The following DLGAP2 variants were observed in gnomAD, a reference collection of about 807,000 sequenced individuals.
DLGAP2 encodes the protein disks large-associated protein 2.
In DLGAP2, 26 loss-of-function variants were observed where a neutral mutation model predicts 100.3. That is an observed-to-expected ratio of 0.26 (90% CI 0.19 to 0.36). The LOEUF is 0.36. Among genes scored for constraint, DLGAP2 ranks in the 10% least tolerant of loss-of-function variants. The probability of loss-of-function intolerance (pLI) is 1.00; values close to 1 mark genes in which losing one functional copy is unlikely to be tolerated. For missense variants in DLGAP2, 1,858 were observed against 1,453.2 expected (o/e 1.28, Z -4.53); for synonymous variants, 886 against 630.1 (o/e 1.41, Z -6.08).
chr8:1,222,728 G>C (rs911770955), intron 2 of DLGAP2, among the ~76,000 whole-genome samples: 1 of 152,102 alleles, frequency 6.6e-6, no homozygotes, highest in East Asian at 1.9e-4. Flanking sequence ...GAAGTGCTCT[G>C]ATGGTCAGAC....
intron 2 of DLGAP2, among the ~76,000 whole-genome samples, chr8:995,775 C>T (rs992592117): frequency 6.6e-6 from 1 of 152,104 alleles, no homozygotes; most frequent in Non-Finnish European, 1.5e-5. Flanking sequence ...AAGTGGTTGC[C>T]ATAAATTAGG....
chr8:1,495,057 A>G (rs888820344), intron 3 of DLGAP2, among the ~76,000 whole-genome samples: 2 of 152,174 alleles, frequency 1.3e-5, no homozygotes, highest in African/African-American at 4.8e-5. Context: ...ATAATGAGGC[A>G]TTGCCAGGAC....
At chr8:1,582,978 G>A (rs1451614665) in intron 6 of DLGAP2, among the ~76,000 whole-genome samples, 2 of 152,112 alleles carry the variant, frequency 1.3e-5, no homozygotes, top group Non-Finnish European at 2.9e-5. Flanking sequence ...GTGCATTTGC[G>A]GAAATTCTTA....
At chr8:1,327,956 G>A (rs1241570976) in intron 3 of DLGAP2, among the ~76,000 whole-genome samples, 3 of 152,158 alleles carry the variant, frequency 2.0e-5, no homozygotes, top group African/African-American at 7.2e-5. Context: ...TTGCTGGTTT[G>A]TGTCTTTGGG....
intron 1 of DLGAP2, among the ~76,000 whole-genome samples, chr8:779,866 AT>A (rs1821640859): frequency 6.6e-6 from 1 of 152,034 alleles, no homozygotes; most frequent in African/African-American, 2.4e-5. Flanking sequence ...ATAAATTTAT[AT>A]TTTATTTTAA....
At chr8:1,377,326 C>T (rs181030539) in intron 3 of DLGAP2, among the ~76,000 whole-genome samples, 1 of 152,256 alleles carries the variant, frequency 6.6e-6, no homozygotes, top group African/African-American at 2.4e-5. Flanking sequence ...GGGCGAATCA[C>T]GAAGTCAGGA....
chr8:1,154,853 G>A (rs1483070971), intron 2 of DLGAP2, among the ~76,000 whole-genome samples: 1 of 152,202 alleles, frequency 6.6e-6, no homozygotes, highest in African/African-American at 2.4e-5. Context: ...GATTTCAGCT[G>A]CCGCTCTGCT....
rs1325907591 is a variant in DLGAP2, at chr8:1,578,451, T to C, written c.1442+12557T>C. Among the ~76,000 whole-genome samples the C allele has an allele frequency of 2.0e-5, 3 of 152,198 alleles. No homozygotes were observed. The South Asian group carries it at 6.2e-4, about 32-fold the overall frequency. On this transcript the variant is annotated intron_variant, in intron 6 of 14. Coordinates refer to ENST00000637795, the MANE Select transcript of DLGAP2 (RefSeq NM_001346810.2). ...CCCGTGAGATGGAACGTGTCAGCAG[T>C]TCTTTTTTGACTGCCTGGTACGGGA...
intron 3 of DLGAP2, among the ~76,000 whole-genome samples, chr8:1,430,364 GC>G (rs1797390416): frequency 6.6e-6 from 1 of 152,126 alleles, no homozygotes; most frequent in Non-Finnish European, 1.5e-5. Context: ...CATTTACGTT[GC>G]ATTGCGAATG....
intron 2 of DLGAP2, among the ~76,000 whole-genome samples, chr8:1,074,367 G>A (rs1803536701): frequency 6.6e-6 from 1 of 152,192 alleles, no homozygotes; most frequent in Non-Finnish European, 1.5e-5. Context: ...AGGATTCACT[G>A]TCACAGAAGG....
chr8:928,734 A>T (rs535594774), intron 2 of DLGAP2, among the ~76,000 whole-genome samples: 1 of 152,080 alleles, frequency 6.6e-6, no homozygotes, highest in Non-Finnish European at 1.5e-5. Context: ...ATAGGTGGGA[A>T]TCGCTGCCCT....
chr8:1,384,332 C>T lies in DLGAP2; in HGVS notation c.107-117034C>T, dbSNP rs539848749. Reference sequence around the variant, plus strand: ...CTGAGAACTTGGTGCACAGTTACCCCGGCCTGTGCCCGGCCCCTGAGAACT... The same window carrying T: ...CTGAGAACTTGGTGCACAGTTACCCTGGCCTGTGCCCGGCCCCTGAGAACT... On this transcript the variant is annotated intron_variant, in intron 3 of 14. Transcript: ENST00000637795. 3.3e-3 allele frequency among the ~76,000 whole-genome samples: 494 copies of T among 148,700 alleles called. 5 individuals are homozygous for T. Among genetic ancestry groups the T allele is most frequent in the African/African-American group, 0.011 (457 of 40,880 alleles).
At chr8:1,168,978 T>C (rs1275736592) in intron 2 of DLGAP2, among the ~76,000 whole-genome samples, 1 of 146,990 alleles carries the variant, frequency 6.8e-6, no homozygotes, top group Non-Finnish European at 1.5e-5. Context: ...CTGAATGGTA[T>C]TGCCTAGGTT....
At chr8:953,092 T>G (rs953911230) in intron 2 of DLGAP2, among the ~76,000 whole-genome samples, 47 of 152,258 alleles carry the variant, frequency 3.1e-4, no homozygotes, top group African/African-American at 1.1e-3. Context: ...TCTCATTCAT[T>G]AATATCACTA....
chr8:1,320,945 CTGTG>C (rs1307611140), intron 3 of DLGAP2, among the ~76,000 whole-genome samples: 5 of 152,260 alleles, frequency 3.3e-5, no homozygotes, highest in African/African-American at 4.8e-5. Context: ...ATACATGTAT[CTGTG>C]TGTGTGCATG....
At chr8:1,510,999 A>C (rs1246743141) in intron 4 of DLGAP2, among the ~76,000 whole-genome samples, 1 of 152,238 alleles carries the variant, frequency 6.6e-6, no homozygotes, top group Non-Finnish European at 1.5e-5. Flanking sequence ...AATCTGTGAG[A>C]ATGTTCCATT....
chr8:922,379 T>C (rs1388693735), intron 2 of DLGAP2, among the ~76,000 whole-genome samples: 2 of 152,184 alleles, frequency 1.3e-5, no homozygotes, highest in East Asian at 3.9e-4. Flanking sequence ...ATGCCGAATT[T>C]CTTATTTCGA....
At chr8:1,130,999 C>T (rs879500572) in intron 2 of DLGAP2, among the ~76,000 whole-genome samples, 5 of 152,204 alleles carry the variant, frequency 3.3e-5, no homozygotes, top group African/African-American at 4.8e-5. Flanking sequence ...CAGCTTACTC[C>T]GTACACATTT....
chr8:1,513,266 G>C (rs1377036668), intron 4 of DLGAP2, among the ~76,000 whole-genome samples: 3 of 144,028 alleles, frequency 2.1e-5, no homozygotes, highest in Non-Finnish European at 4.6e-5. Flanking sequence ...CCACAGGCCA[G>C]CTCCAGGGAG....
Sources: allele counts gnomAD v4.1 joint callset (sites outside exome capture counted in the v4.1 genomes callset), GRCh38; gene constraint gnomAD v4.1.1; transcripts MANE v1.5; gene names NCBI Gene and HGNC (gene_info 2026-07-23, HGNC 2026-07-21).